NSUN7: variants seen among roughly 807,000 people sequenced by gnomAD.
NSUN7 encodes protein NSUN7.
NSUN7 carries 39 observed loss-of-function variants against 58.5 expected under a neutral mutation model. The observed-to-expected ratio is 0.67, with a 90% CI of 0.52 to 0.87. The LOEUF (loss-of-function observed/expected upper bound fraction) is 0.87, where lower values mean the gene tolerates loss of function less well. Ranked by LOEUF, NSUN7 falls within the 40% of genes least tolerant of loss-of-function variation. NSUN7 has a pLI of 0.00. For missense variants in NSUN7, 765 were observed against 844.1 expected (o/e 0.91, Z 1.16); for synonymous variants, 278 against 303.7 (o/e 0.92, Z 0.88).
At position 40,794,447 on chromosome 4, in the gene NSUN7, A is replaced by G; in HGVS notation, c.1253A>G (p.Gln418Arg). Reference sequence around the variant, plus strand: ...AAACTTCACGTTCTTGCTCAACAGCAGTATGAACAGCTAACACATGCAATG... The same window carrying G: ...AAACTTCACGTTCTTGCTCAACAGCGGTATGAACAGCTAACACATGCAATG... The part of the protein sequence containing the change: ...VDKLHVLAQQ[Q>R]YEQLTHAMKF... The change falls in exon 9 of 12, where the codon CAG becomes CGG. Residue 418 changes from glutamine to arginine, a missense_variant. Gln to Arg is a conservative substitution (Grantham distance 43). Coordinates refer to ENST00000381782, the MANE Select transcript of NSUN7 (RefSeq NM_024677.6). The G allele has an allele frequency of 6.2e-7, 1 of 1,611,010 alleles. No homozygotes were observed. Among genetic ancestry groups the G allele is most frequent in the South Asian group, 1.1e-5 (1 of 90,960 alleles).
intron 4 of NSUN7, among the ~76,000 whole-genome samples, chr4:40,767,745 A>G (rs1741804700): frequency 6.6e-6 from 1 of 152,180 alleles, no homozygotes; most frequent in African/African-American, 2.4e-5. Flanking sequence ...GAAATCAGGA[A>G]CTGGAAAGAT....
intron 7 of NSUN7, among the ~76,000 whole-genome samples, chr4:40,788,607 C>A (rs1248891722): frequency 1.3e-5 from 2 of 152,154 alleles, no homozygotes; most frequent in Non-Finnish European, 2.9e-5. Context: ...TAGAGGGTGC[C>A]GAGAGACTTT....
intron 8 of NSUN7, among the ~76,000 whole-genome samples, chr4:40,792,701 G>C (rs980900045): frequency 3.3e-5 from 5 of 151,940 alleles, no homozygotes; most frequent in Non-Finnish European, 7.4e-5. Flanking sequence ...GCAGTGAGCC[G>C]AGATCGCGCC....
chr4:40,780,525 T>G (rs1480003223), intron 7 of NSUN7, among the ~76,000 whole-genome samples: 1 of 151,480 alleles, frequency 6.6e-6, no homozygotes, highest in Non-Finnish European at 1.5e-5. Flanking sequence ...GAGGATTGCT[T>G]GAGCCCAGGA....
At chr4:40,804,914 C>G (rs1361233370) in intron 10 of NSUN7, among the ~76,000 whole-genome samples, 9 of 152,114 alleles carry the variant, frequency 5.9e-5, no homozygotes. Flanking sequence ...GGAAAACCAC[C>G]ACCAAACCTC....
chr4:40,751,017 A>G, intron 2 of NSUN7, 26 bp downstream of exon 2: 2 of 1,606,634 alleles, frequency 1.2e-6, no homozygotes, highest in Admixed American at 1.7e-5. Context: ...CTGGAAGATC[A>G]ACACTAAAAG....
intron 8 of NSUN7, among the ~76,000 whole-genome samples, 192 bp from the exon 9 acceptor site, chr4:40,794,183 A>C (rs1185503818): frequency 6.6e-6 from 1 of 152,248 alleles, no homozygotes; most frequent in Non-Finnish European, 1.5e-5. Context: ...AAGCAATATT[A>C]AAATGAAACA....
At chr4:40,767,600 C>T (rs923076545) in intron 4 of NSUN7, among the ~76,000 whole-genome samples, 10 of 152,058 alleles carry the variant, frequency 6.6e-5, no homozygotes, top group Non-Finnish European at 1.2e-4. Context: ...CTATTAGGTC[C>T]GCTTGGTGCA....
intron 2 of NSUN7, among the ~76,000 whole-genome samples, chr4:40,755,461 A>T (rs1227441605): frequency 6.6e-6 from 1 of 152,182 alleles, no homozygotes; most frequent in South Asian, 2.1e-4. Context: ...TTAAAAAAAA[A>T]TTGGAGAAAG....
intron 8 of NSUN7, among the ~76,000 whole-genome samples, chr4:40,792,563 AAC>A (rs1743125940): frequency 6.6e-6 from 1 of 152,122 alleles, no homozygotes; most frequent in Non-Finnish European, 1.5e-5. Context: ...CATCCTGGCT[AAC>A]ACGGTGAAAC....
chr4:40,750,838 A>G lies in NSUN7; in HGVS notation c.145A>G (p.Met49Val). The change falls in exon 2 of 12, where the codon ATG (methionine) becomes GTG (valine). Residue 49 changes from methionine to valine, a missense_variant. Met to Val is a conservative substitution (Grantham distance 21). Coordinates refer to ENST00000381782, the MANE Select transcript of NSUN7 (RefSeq NM_024677.6). ...KTGYPDSVYV[M>V]AANIFQGIRI... The stretch of plus-strand genomic sequence containing the variant: ...GGGCTATCCGGACTCCGTTTATGTC[A>G]TGGCAGCCAACATTTTTCAGGGTAT... 1 of 1,614,144 alleles carries G rather than the reference A, an allele frequency of 6.2e-7. No individual in the cohort carries two copies.
Position 40,775,720 on chromosome 4 carries a change from A to C in NSUN7, c.826-329A>C, listed in dbSNP as rs542260676. On this transcript the variant is annotated intron_variant, in intron 6 of 11. Transcript: ENST00000381782. The surrounding 1 kb of genome is among the most constrained non-coding windows in gnomAD (Gnocchi z 4.3). ...GGGGAAGAGAAAATGGAAGTAGTAG[A>C]TGAGTGGGTTTTTGTGAAGGGGTAA... 6.6e-6 allele frequency among the ~76,000 whole-genome samples: 1 copy of C among 152,288 alleles called. No individual in the cohort carries two copies. The highest frequency in any genetic ancestry group is 2.1e-4 in the South Asian group (1 of 4,826).
At position 40,811,020 on chromosome 4, in the gene NSUN7, T is replaced by C. The variant is rs1003934724; in HGVS notation, c.*2081T>C. 2.0e-5 allele frequency: 3 copies of C among 152,186 alleles called. No individual in the cohort carries two copies. Among genetic ancestry groups the C allele is most frequent in the African/African-American group, 4.8e-5 (2 of 41,450 alleles). 9.4% of individuals were successfully genotyped at this position (152,186 alleles called of 1,614,324 possible). ...GTGTATTTTCTGTGATGTTGTCTCATTGTTATGGAATAGTTTAGGATAATT... is the reference window on the plus strand; with the variant it reads ...GTGTATTTTCTGTGATGTTGTCTCACTGTTATGGAATAGTTTAGGATAATT... On this transcript the variant is annotated 3_prime_UTR_variant, in exon 12 of 12. Coordinates refer to ENST00000381782, the MANE Select transcript of NSUN7 (RefSeq NM_024677.6).
rs1254953719 is a variant in NSUN7, at chr4:40,750,822, G to A, written c.129G>A (p.Pro43=). Reference sequence around the variant, plus strand: ...GTGTGCCCGAAAAAACGGGCTATCCGGACTCCGTTTATGTCATGGCAGCCA... The same window carrying A: ...GTGTGCCCGAAAAAACGGGCTATCCAGACTCCGTTTATGTCATGGCAGCCA... The part of the protein sequence containing the change: ...SAGVPEKTGY[P]DSVYVMAANI... The change falls in exon 2 of 12, where the codon CCG becomes CCA. Residue 43 remains proline, a synonymous_variant. Coordinates refer to ENST00000381782, the MANE Select transcript of NSUN7 (RefSeq NM_024677.6). The A allele has an allele frequency of 2.0e-5, 32 of 1,614,066 alleles. No individual in the cohort carries two copies. Among genetic ancestry groups the A allele is most frequent in the African/African-American group, 2.7e-5 (2 of 74,916 alleles).
At chr4:40,798,461 A>G (rs1420551874) in intron 9 of NSUN7, among the ~76,000 whole-genome samples, 1 of 152,248 alleles carries the variant, frequency 6.6e-6, no homozygotes, top group Non-Finnish European at 1.5e-5. Flanking sequence ...TATTTAGGCA[A>G]TATCGCTTGT....
In NSUN7 at chr4:40,768,194, C is replaced by CT. The variant is rs1029457724; in HGVS notation, c.489-6062dup. On this transcript the variant is annotated intron_variant, in intron 4 of 11. Transcript: ENST00000381782. The stretch of plus-strand genomic sequence containing the variant: ...TCTACTTAGAGGATAAAGACTAATT[C>CT]TTTTTTTTTCTTTTTTTTTTTTTTT... Among the ~76,000 whole-genome samples the CT allele has an allele frequency of 7.7e-5, 11 of 142,874 alleles. No individual in the cohort carries two copies. In the South Asian group the frequency reaches 8.5e-4, roughly 11 times the overall value. 93.7% of individuals were successfully genotyped at this position (142,874 alleles called of 152,430 possible).
intron 7 of NSUN7, among the ~76,000 whole-genome samples, chr4:40,790,022 T>C (rs922850306): frequency 4.0e-5 from 6 of 151,468 alleles, no homozygotes; most frequent in Non-Finnish European, 8.8e-5. Context: ...TTCTGTACCT[T>C]GGACTGGAAA....
chr4:40,758,481 T>C (rs1188681556), intron 2 of NSUN7, among the ~76,000 whole-genome samples: 1 of 152,124 alleles, frequency 6.6e-6, no homozygotes, highest in Non-Finnish European at 1.5e-5. Context: ...ATGGGAAAAC[T>C]GGAGTCTGTG....
chr4:40,756,865 A>G (rs182322793), intron 2 of NSUN7, among the ~76,000 whole-genome samples: 6 of 152,334 alleles, frequency 3.9e-5, no homozygotes. Context: ...CACATTCAGT[A>G]GAAACCATAC....
Sources: allele counts gnomAD v4.1 joint callset (sites outside exome capture counted in the v4.1 genomes callset), GRCh38; gene constraint gnomAD v4.1.1; non-coding constraint Gnocchi (gnomAD v3.1); transcripts MANE v1.5; gene names NCBI Gene and HGNC (gene_info 2026-07-23, HGNC 2026-07-21).